Variants in ACACA observed in about 807,000 individuals in gnomAD.
The protein encoded by ACACA is acetyl-CoA carboxylase alpha, also known as acetyl-CoA carboxylase 1.
ACACA carries 103 observed loss-of-function variants against 296.1 expected under a neutral mutation model. That is an observed-to-expected ratio of 0.35 (90% CI 0.30 to 0.41). ACACA has a LOEUF of 0.41. ACACA is among the 10% of genes least tolerant of loss of function. ACACA has a pLI of 1.00. For synonymous variants in ACACA, 953 were observed against 1,038.6 expected, an observed-to-expected ratio of 0.92 and a Z score of 1.58; for missense variants, 1,554 against 2,989.7, an observed-to-expected ratio of 0.52 and a Z score of 11.20.
At chr17:37,275,234 A>C (rs1381934691) in intron 8 of ACACA, among the ~76,000 whole-genome samples, 1 of 152,198 alleles carries the variant, frequency 6.6e-6, no homozygotes, top group East Asian at 1.9e-4. Context: ...GCGGTGGCTC[A>C]TGCCTGTAAT....
In ACACA at chr17:37,235,108, C is replaced by G; in HGVS notation, c.3122-9G>C. 1 of 1,612,816 alleles carries G rather than the reference C, an allele frequency of 6.2e-7. No individual in the cohort carries two copies. Among genetic ancestry groups the G allele is most frequent in the East Asian group, 2.2e-5 (1 of 44,848 alleles). ...ACATTTGTCATAGTGACCTGCACAC[C>G]ATGAAAAGAACTGGTTCTCACCCAT... On this transcript the variant is annotated splice_polypyrimidine_tract_variant and intron_variant, in intron 24 of 55. Coordinates refer to ENST00000616317, the MANE Select transcript of ACACA (RefSeq NM_198834.3).
intron 9 of ACACA, 122 bp from the exon 10 acceptor site, chr17:37,270,983 A>G: frequency 1.4e-6 from 1 of 728,142 alleles, no homozygotes; most frequent in Admixed American, 2.2e-5. Context: ...ATAAAATAGA[A>G]AGATCTTCAA....
At chr17:37,213,710 G>A (rs958023339) in intron 29 of ACACA, among the ~76,000 whole-genome samples, 7 of 152,144 alleles carry the variant, frequency 4.6e-5, no homozygotes, top group Non-Finnish European at 8.8e-5. Context: ...GAAATCCTGT[G>A]AATTCTGAGG....
chr17:37,112,555 A>G (rs1215555375), intron 51 of ACACA, among the ~76,000 whole-genome samples: 2 of 152,220 alleles, frequency 1.3e-5, no homozygotes, highest in Non-Finnish European at 2.9e-5. Context: ...CTGATATCAG[A>G]TGAGTTTAGG....
chr17:37,217,762 A>C (rs1484292201), intron 29 of ACACA, among the ~76,000 whole-genome samples: 1 of 130,072 alleles, frequency 7.7e-6, no homozygotes, highest in Non-Finnish European at 1.5e-5. Context: ...AAAAAAAAAA[A>C]AACAACCTGT....
At chr17:37,112,278 A>C (rs3785948) in intron 51 of ACACA, among the ~76,000 whole-genome samples, 50,756 of 151,942 alleles carry the variant, frequency 0.33, 11,877 homozygotes, top group African/African-American at 0.65. Context: ...TTAAAAAAAA[A>C]CCCACAGCTT....
chr17:37,239,906 T>C (rs2080306152), intron 24 of ACACA, among the ~76,000 whole-genome samples: 1 of 152,252 alleles, frequency 6.6e-6, no homozygotes, highest in African/African-American at 2.4e-5. Flanking sequence ...CACTGCCATC[T>C]TGTGGCAGGA....
intron 1 of ACACA, among the ~76,000 whole-genome samples, chr17:37,359,604 G>C (rs1254910582): frequency 6.6e-6 from 1 of 152,218 alleles, no homozygotes. Flanking sequence ...TGAGGGGCCA[G>C]GACTAGCCGG....
At chr17:37,229,121 G>A (rs371972188) in intron 25 of ACACA, among the ~76,000 whole-genome samples, 32 of 145,010 alleles carry the variant, frequency 2.2e-4, no homozygotes, top group East Asian at 1.9e-3. Flanking sequence ...TCCAGCCTGG[G>A]CAACAGAGCG....
At chr17:37,283,459 T>C (rs2082636403) in intron 4 of ACACA, 54 bp from the exon 5 acceptor site, 10 of 1,596,540 alleles carry the variant, frequency 6.3e-6, no homozygotes, top group South Asian at 2.2e-5. Flanking sequence ...AAAGCAACAA[T>C]GGAGGAAAAG....
intron 1 of ACACA, chr17:37,365,400 T>C (rs1568059555): frequency 1.0e-6 from 1 of 964,034 alleles, no homozygotes; most frequent in African/African-American, 1.8e-5. Context: ...GGTATTTCTA[T>C]TAGTAAGCGC....
chr17:37,188,178 A>G, intron 39 of ACACA, 99 bp downstream of exon 39: 1 of 1,146,732 alleles, frequency 8.7e-7, no homozygotes, highest in Non-Finnish European at 1.3e-6. Flanking sequence ...CACCAGGTGA[A>G]CCAATGGGAT....
chr17:37,131,657 T>G (rs2075103783), intron 45 of ACACA, among the ~76,000 whole-genome samples: 2 of 152,218 alleles, frequency 1.3e-5, no homozygotes, highest in African/African-American at 4.8e-5. Context: ...TTCCCCTGCA[T>G]GCTGGGTCAG....
chr17:37,331,204 G>A (rs570183678), intron 2 of ACACA, among the ~76,000 whole-genome samples: 3 of 151,292 alleles, frequency 2.0e-5, no homozygotes, highest in East Asian at 1.9e-4. Flanking sequence ...TGCAAGCTCC[G>A]CCTCCCGGGT....
intron 1 of ACACA, among the ~76,000 whole-genome samples, chr17:37,386,398 C>T (rs1462783508): frequency 2.6e-5 from 4 of 152,044 alleles, no homozygotes; most frequent in Admixed American, 6.6e-5. Context: ...TCAAGACCAG[C>T]CTGACCAACA....
chr17:37,252,208 G>T, intron 15 of ACACA, 100 bp from the exon 16 acceptor site: 1 of 928,446 alleles, frequency 1.1e-6, no homozygotes, highest in Non-Finnish European at 1.8e-6. Context: ...GAAACAGCTA[G>T]CAATGAAAAT....
chr17:37,261,382 G>A (rs1257269992), intron 11 of ACACA, among the ~76,000 whole-genome samples: 1 of 152,226 alleles, frequency 6.6e-6, no homozygotes, highest in Non-Finnish European at 1.5e-5. Context: ...AGAAATCTAT[G>A]AGTATGATTA....
chr17:37,211,094 G>A (rs1350830974), intron 29 of ACACA, among the ~76,000 whole-genome samples: 1 of 152,142 alleles, frequency 6.6e-6, no homozygotes, highest in South Asian at 2.1e-4. Flanking sequence ...AAGGAGAGCA[G>A]GGGGGAAGGT....
At chr17:37,206,977 C>T (rs2078530845) in intron 31 of ACACA, 98 bp from the exon 32 acceptor site, 3 of 1,114,532 alleles carry the variant, frequency 2.7e-6, no homozygotes, top group African/African-American at 1.5e-5. Flanking sequence ...TCTATCTTAG[C>T]CTGGGCTCAA....
Sources: allele counts gnomAD v4.1 joint callset (sites outside exome capture counted in the v4.1 genomes callset), GRCh38; gene constraint gnomAD v4.1.1; transcripts MANE v1.5; gene names NCBI Gene and HGNC (gene_info 2026-07-23, HGNC 2026-07-21).